The following EPGN variants were observed in gnomAD, a reference collection of about 807,000 sequenced individuals.
EPGN encodes epithelial mitogen.
Under a neutral mutation model 20.7 loss-of-function variants are expected in EPGN, and 21 were observed. That is an observed-to-expected ratio of 1.01 (90% CI 0.72 to 1.46). The LOEUF is 1.46. EPGN is among the 40% of genes most tolerant of loss of function. The pLI is 0.00. For missense variants in EPGN, 199 were observed against 180.7 expected, an observed-to-expected ratio of 1.10 and a Z score of -0.58; for synonymous variants, 69 against 63.8, an observed-to-expected ratio of 1.08 and a Z score of -0.39.
chr4:74,316,711 G>T lies in EPGN; in HGVS notation c.*2074G>T, dbSNP rs199503532. On this transcript the variant is annotated 3_prime_UTR_variant, in exon 5 of 5. Transcript: ENST00000413830. ...CTGAGTATTTCAAAAAGATGTAAAA[G>T]AGCTGGGGAGAGTATGGGAAGAAAC... 3.4e-3 allele frequency among the ~76,000 whole-genome samples: 511 copies of T among 152,252 alleles called. 3 individuals carry two copies. The highest frequency in any genetic ancestry group is 0.012 in the African/African-American group (491 of 41,542).
rs72654839 is a variant in EPGN at position 74,315,530 on chromosome 4, A to C, written c.*893A>C. Reference sequence around the variant, plus strand: ...ATTGGCCCTAAAATAGAAACTGAAAAACAGGACATAGAATTTTTTCACCAG... The same window carrying C: ...ATTGGCCCTAAAATAGAAACTGAAACACAGGACATAGAATTTTTTCACCAG... On this transcript the variant is annotated 3_prime_UTR_variant, in exon 5 of 5. Coordinates refer to ENST00000413830, the MANE Select transcript of EPGN (RefSeq NM_001270989.2). 0.12 allele frequency among the ~76,000 whole-genome samples: 18,343 copies of C among 152,220 alleles called. 1,388 individuals carry two copies. The highest frequency in any genetic ancestry group is 0.17 in the Non-Finnish European group (11,759 of 68,002).
intron 1 of EPGN, 34 bp from the exon 2 acceptor site, chr4:74,309,059 C>G (rs759168465): frequency 3.3e-6 from 5 of 1,503,542 alleles, no homozygotes; most frequent in African/African-American, 1.4e-5. Flanking sequence ...GAAGGAGGCT[C>G]TCTGTTAAAG....
At chr4:74,309,864 T>C (rs1750787592) in intron 2 of EPGN, among the ~76,000 whole-genome samples, 1 of 152,156 alleles carries the variant, frequency 6.6e-6, no homozygotes, top group South Asian at 2.1e-4. Context: ...ATGATTCTTC[T>C]GCAAATCGCA....
chr4:74,309,069 G>A (rs369158198), intron 1 of EPGN, 24 bp from the exon 2 acceptor site: 12 of 1,582,540 alleles, frequency 7.6e-6, no homozygotes, highest in Non-Finnish European at 1.0e-5. Context: ...CTCTGTTAAA[G>A]ATGCTTTTGC....
In EPGN at chr4:74,315,365, A is replaced by G. The variant is rs542570881; in HGVS notation, c.*728A>G. 6.6e-6 allele frequency: 1 copy of G among 152,334 alleles called. No individual in the cohort carries two copies. Among genetic ancestry groups the G allele is most frequent in the South Asian group, 2.1e-4 (1 of 4,826 alleles). 9.4% of individuals were successfully genotyped at this position (152,334 alleles called of 1,614,324 possible). A position where few individuals can be genotyped will look rare whatever the true frequency, so the allele number is the denominator to read the frequency against. On this transcript the variant is annotated 3_prime_UTR_variant, in exon 5 of 5. Transcript: ENST00000413830. ...GTAGGCAAAGCATTTCCATTTCTAC[A>G]TGGATTATAAAACTTTGTGTTGGAC...
chr4:74,312,040 A>G (rs777934643), intron 2 of EPGN, 145 bp from the exon 3 acceptor site: 5 of 828,928 alleles, frequency 6.0e-6, no homozygotes, highest in Non-Finnish European at 8.8e-6. Flanking sequence ...TGTGAATACA[A>G]CCTGCTAAGA....
In EPGN at chr4:74,308,978, T is replaced by C. The variant is rs187632607; in HGVS notation, c.44-115T>C. On this transcript the variant is annotated intron_variant, in intron 1 of 4. Coordinates refer to ENST00000413830, the MANE Select transcript of EPGN (RefSeq NM_001270989.2). The stretch of plus-strand genomic sequence containing the variant: ...CCCTAGTCACGTTATGGATTTCAAC[T>C]GTAATAAATTAAAAAAATAGAAATT... 2.0e-4 allele frequency: 153 copies of C among 771,546 alleles called. No individual in the cohort carries two copies. The African/African-American group carries it at 2.4e-3, about 12-fold the overall frequency. 47.8% of individuals were successfully genotyped at this position (771,546 alleles called of 1,614,324 possible). A position where few individuals can be genotyped will look rare whatever the true frequency, so the allele number is the denominator to read the frequency against.
At chr4:74,310,089 A>T (rs1750803847) in intron 2 of EPGN, among the ~76,000 whole-genome samples, 1 of 152,172 alleles carries the variant, frequency 6.6e-6, no homozygotes, top group South Asian at 2.1e-4. Context: ...TGGGTTATAG[A>T]ATAACTTTTA....
rs1046955324 is a variant in EPGN, at chr4:74,314,592, G to A, written c.420G>A (p.Leu140=). Residue 140 remains leucine, a synonymous_variant, in exon 5 of 5, where the codon TTG becomes TTA. Transcript: ENST00000413830. The part of the protein sequence containing the change: ...YCYIRKRCLK[L]KSPYNVCSGE... ...TGCTCTGTTTCAGGTGTCTAAAATT[G>A]AAATCGCCTTACAATGTCTGTTCTG... 6.5e-6 allele frequency: 10 copies of A among 1,535,994 alleles called. No individual in the cohort carries two copies. Among genetic ancestry groups the A allele is most frequent in the Non-Finnish European group, 8.7e-6 (10 of 1,146,822 alleles).
chr4:74,309,333 G>T (rs1047541375), intron 2 of EPGN, among the ~76,000 whole-genome samples, 151 bp downstream of exon 2: 1 of 152,204 alleles, frequency 6.6e-6, no homozygotes, highest in African/African-American at 2.4e-5. Flanking sequence ...AAATTGAAGT[G>T]ACAGATAAAT....
chr4:74,316,681 T>G lies in EPGN; in HGVS notation c.*2044T>G, dbSNP rs920339421. On this transcript the variant is annotated 3_prime_UTR_variant, in exon 5 of 5. Transcript: ENST00000413830. The stretch of plus-strand genomic sequence containing the variant: ...ACAGACCACACCTAGAAAGCGTTTC[T>G]CTTCCTGAGTATTTCAAAAAGATGT... Among the ~76,000 whole-genome samples the G allele has an allele frequency of 3.3e-5, 5 of 152,170 alleles. No homozygotes were observed. Among genetic ancestry groups the G allele is most frequent in the Non-Finnish European group, 4.4e-5 (3 of 68,030 alleles).
Position 74,316,275 on chromosome 4 carries a change from A to G in EPGN, c.*1638A>G, listed in dbSNP as rs7656041. The stretch of plus-strand genomic sequence containing the variant: ...TTTTTGAAGGAAATATAAAATATTA[A>G]AGAGTAATAATAGCTATCATTTTTT... On this transcript the variant is annotated 3_prime_UTR_variant, in exon 5 of 5. Coordinates refer to ENST00000413830, the MANE Select transcript of EPGN (RefSeq NM_001270989.2). Among the ~76,000 whole-genome samples the G allele has an allele frequency of 0.12, 18,604 of 152,112 alleles. 3,053 individuals carry two copies. Among genetic ancestry groups the G allele is most frequent in the African/African-American group, 0.37 (15,514 of 41,432 alleles).
intron 4 of EPGN, 64 bp downstream of exon 4, chr4:74,313,234 C>A (rs751880271): frequency 8.5e-6 from 13 of 1,535,080 alleles, no homozygotes; most frequent in African/African-American, 1.4e-5. Flanking sequence ...GTTATTCAGG[C>A]CCTATAATGT....
chr4:74,313,739 C>T, intron 4 of EPGN: 3 of 678,774 alleles, frequency 4.4e-6, no homozygotes, highest in Non-Finnish European at 5.5e-6. Context: ...TTGTTTTTTC[C>T]ACATGAGTAA....
rs372816591 is a variant in EPGN at position 74,313,107 on chromosome 4, G to A, written c.344G>A (p.Gly115Glu). The A allele has an allele frequency of 2.9e-5, 47 of 1,612,602 alleles. No individual in the cohort carries two copies. The highest frequency in any genetic ancestry group is 3.8e-5 in the Non-Finnish European group (45 of 1,179,430). Reference protein sequence around the residue: ...VDSYEKYIAIGIGVGLLLSGF... With the variant: ...VDSYEKYIAIEIGVGLLLSGF... ...TCTTATGAAAAATACATTGCAATTG[G>A]GATTGGTGTTGGATTACTATTAAGT... The change falls in exon 4 of 5, where the codon GGG becomes GAG. Residue 115 changes from glycine (G) to glutamate (E), a missense_variant. Gly to Glu is a moderately conservative substitution (Grantham distance 98, BLOSUM62 -2). Transcript: ENST00000413830.
chr4:74,314,716 A>T lies in EPGN; in HGVS notation c.*79A>T. ...ATTAAAGTTTTCAGATGAAACAACA[A>T]AACTTGTCAAGCTGACTAGACTCGA... On this transcript the variant is annotated 3_prime_UTR_variant, in exon 5 of 5. Coordinates refer to ENST00000413830, the MANE Select transcript of EPGN (RefSeq NM_001270989.2). The T allele has an allele frequency of 7.8e-7, 1 of 1,285,272 alleles. No individual in the cohort carries two copies. The highest frequency in any genetic ancestry group is 2.2e-5 in the Admixed American group (1 of 45,954). The allele number at this position is 1,285,272 out of a possible 1,614,324, so 79.6% of individuals were successfully genotyped here.
At chr4:74,313,473 A>G (rs1288932554) in intron 4 of EPGN, 37 of 1,241,426 alleles carry the variant, frequency 3.0e-5, no homozygotes, top group Middle Eastern at 3.1e-4. Flanking sequence ...GAAAGTAGGG[A>G]CTAAGTATGT....
chr4:74,312,090 T>C (rs989831901), intron 2 of EPGN, 95 bp from the exon 3 acceptor site: 12 of 1,385,310 alleles, frequency 8.7e-6, no homozygotes, highest in Non-Finnish European at 1.2e-5. Flanking sequence ...CCCCCAAATA[T>C]CCTTAAAATT....
At chr4:74,312,669 C>G (rs1751037226) in intron 3 of EPGN, among the ~76,000 whole-genome samples, 1 of 152,096 alleles carries the variant, frequency 6.6e-6, no homozygotes, top group Non-Finnish European at 1.5e-5. Flanking sequence ...CAAACTAAGG[C>G]AAAAACATTA....
Sources: allele counts gnomAD v4.1 joint callset (sites outside exome capture counted in the v4.1 genomes callset), GRCh38; gene constraint gnomAD v4.1.1; transcripts MANE v1.5; gene names NCBI Gene and HGNC (gene_info 2026-07-23, HGNC 2026-07-21).